Variants in RARB observed in about 807,000 individuals in gnomAD.
RARB encodes retinoic acid receptor beta.
A neutral mutation model predicts 51.9 loss-of-function variants in RARB; 17 were observed. That is an observed-to-expected ratio of 0.33 (90% CI 0.22 to 0.49). The LOEUF (loss-of-function observed/expected upper bound fraction) is 0.49. Among genes scored for constraint, RARB ranks in the 20% least tolerant of loss-of-function variants. RARB has a pLI of 0.99. For missense variants in RARB, 369 were observed against 550.8 expected (o/e 0.67, Z 3.30); for synonymous variants, 215 against 195.4 (o/e 1.10, Z -0.84).
intron 3 of RARB, among the ~76,000 whole-genome samples, chr3:25,532,257 T>C (rs531927387): frequency 6.7e-4 from 102 of 152,306 alleles, no homozygotes; most frequent in Middle Eastern, 3.4e-3. Context: ...AAACCCCTTA[T>C]TATGGCTTCT....
chr3:25,536,372 A>G (rs113549974), intron 3 of RARB, among the ~76,000 whole-genome samples: 3 of 151,628 alleles, frequency 2.0e-5, no homozygotes, highest in African/African-American at 7.3e-5. Context: ...TAAAGTGTGC[A>G]TGCCTCAGAA....
chr3:25,381,004 A>G (rs1218757502), intron 5 of RARB, among the ~76,000 whole-genome samples: 3 of 151,600 alleles, frequency 2.0e-5, no homozygotes, highest in Non-Finnish European at 4.4e-5. Flanking sequence ...TTGCTTTATT[A>G]TTTTCTCTTT....
intron 5 of RARB, among the ~76,000 whole-genome samples, chr3:25,260,934 A>G (rs759942106): frequency 2.0e-5 from 3 of 152,132 alleles, no homozygotes; most frequent in African/African-American, 4.8e-5. Flanking sequence ...AGTTAGGAAA[A>G]TAGCCTCTGG....
At chr3:25,533,908 C>A (rs552352660) in intron 3 of RARB, among the ~76,000 whole-genome samples, 2 of 152,320 alleles carry the variant, frequency 1.3e-5, no homozygotes, top group South Asian at 4.1e-4. Flanking sequence ...TCCTGGTTTT[C>A]TCACTTGTGA....
intron 5 of RARB, among the ~76,000 whole-genome samples, chr3:25,373,395 G>T (rs1471550230): frequency 2.0e-5 from 3 of 152,122 alleles, no homozygotes; most frequent in Non-Finnish European, 4.4e-5. Flanking sequence ...AGTGAGTGAG[G>T]AGGGTCCAGA....
In RARB at chr3:25,148,857, C is replaced by A. The variant is rs143156447; in HGVS notation, c.-280+16649C>A. On this transcript the variant is annotated intron_variant, in intron 4 of 11. Coordinates refer to the RARB transcript ENST00000383772. ...GCTTGGATGTCTACCCATGCACAGC[C>A]AGCCCCTGAAAAAGGTTGTGCATGG... Among the ~76,000 whole-genome samples the A allele has an allele frequency of 3.2e-3, 495 of 152,310 alleles. 4 individuals carry two copies. The highest frequency in any genetic ancestry group is 0.011 in the African/African-American group (464 of 41,554).
In RARB at chr3:25,308,473, G is replaced by C. The variant is rs1403712288; in HGVS notation, c.178+133898G>C. 2.2e-5 allele frequency among the ~76,000 whole-genome samples: 3 copies of C among 134,780 alleles called. No homozygotes were observed. In the East Asian group the frequency reaches 6.6e-4, roughly 29 times the overall value. The allele number at this position is 134,780 out of a possible 152,430, so 88.4% of individuals were successfully genotyped here. On this transcript the variant is annotated intron_variant, in intron 5 of 11. Coordinates refer to the RARB transcript ENST00000383772. The stretch of plus-strand genomic sequence containing the variant: ...CTTTTTTTTTTTTTTTTTTGAGACA[G>C]AGTCTTGTTCTCTTGCCCAGGCTGG...
intron 3 of RARB, among the ~76,000 whole-genome samples, chr3:25,526,510 T>TAAA (rs1209033558): frequency 6.6e-6 from 1 of 152,172 alleles, no homozygotes; most frequent in Non-Finnish European, 1.5e-5. Context: ...AGCATAATGA[T>TAAA]GGCTTGGACT....
intron 3 of RARB, among the ~76,000 whole-genome samples, chr3:25,534,166 G>A (rs1699040305): frequency 6.6e-6 from 1 of 152,128 alleles, no homozygotes; most frequent in South Asian, 2.1e-4. Flanking sequence ...TATAGACTTT[G>A]GAATCAGTCC....
At chr3:24,833,786 G>A (rs1702310195) in intron 1 of RARB, among the ~76,000 whole-genome samples, 1 of 152,192 alleles carries the variant, frequency 6.6e-6, no homozygotes, top group South Asian at 2.1e-4. Context: ...ATACCCACAG[G>A]TAGACCTGCC....
chr3:25,220,149 G>C (rs538903830), intron 5 of RARB, among the ~76,000 whole-genome samples: 1 of 152,114 alleles, frequency 6.6e-6, no homozygotes, highest in African/African-American at 2.4e-5. Context: ...TGATTGAACT[G>C]CCTTTGGACT....
intron 3 of RARB, among the ~76,000 whole-genome samples, chr3:25,504,216 T>C (rs910456514): frequency 3.9e-5 from 6 of 152,234 alleles, no homozygotes; most frequent in African/African-American, 1.4e-4. Flanking sequence ...TTGTTTCTCT[T>C]TGTCTCTCAC....
chr3:24,963,964 C>T (rs2125413238), intron 2 of RARB, among the ~76,000 whole-genome samples: 1 of 152,216 alleles, frequency 6.6e-6, no homozygotes. Context: ...ATAATCTTGA[C>T]CAGCAGAGGG....
chr3:25,528,607 A>G (rs1194422917), intron 3 of RARB, among the ~76,000 whole-genome samples: 2 of 152,044 alleles, frequency 1.3e-5, no homozygotes, highest in East Asian at 1.9e-4. Context: ...ATAGGATCCA[A>G]TCAGGTGGGA....
intron 2 of RARB, among the ~76,000 whole-genome samples, chr3:24,866,251 T>A (rs1031044876): frequency 6.6e-6 from 1 of 151,942 alleles, no homozygotes; most frequent in African/African-American, 2.4e-5. Flanking sequence ...AACTGTCTCA[T>A]CCCCCCACGC....
At position 24,905,042 on chromosome 3, in the gene RARB, G is replaced by A. The variant is rs138066423; in HGVS notation, c.-380+46290G>A. On this transcript the variant is annotated intron_variant, in intron 2 of 11. Transcript: ENST00000383772. ...AGGAAAAACACGTCATGTAGATGAC[G>A]GGTTGATGGGTGCAGAAAACCACCA... Among the ~76,000 whole-genome samples the A allele has an allele frequency of 8.0e-3, 1,216 of 152,290 alleles. 6 individuals are homozygous for A. Among genetic ancestry groups the A allele is most frequent in the Non-Finnish European group, 0.012 (827 of 68,028 alleles).
intron 2 of RARB, among the ~76,000 whole-genome samples, chr3:24,942,275 G>A (rs1386480033): frequency 6.6e-6 from 1 of 152,178 alleles, no homozygotes; most frequent in Admixed American, 6.5e-5. Context: ...TAGCTCTGTA[G>A]CTGTGCTCAT....
At chr3:25,462,778 G>T (rs1695246647) in intron 2 of RARB, among the ~76,000 whole-genome samples, 1 of 152,194 alleles carries the variant, frequency 6.6e-6, no homozygotes, top group Admixed American at 6.5e-5. Flanking sequence ...CTGACTGTGG[G>T]CTGGGGAGAC....
intron 2 of RARB, among the ~76,000 whole-genome samples, chr3:25,484,765 T>G (rs1197252823): frequency 1.3e-5 from 2 of 152,286 alleles, no homozygotes. Flanking sequence ...TATTTGGCCC[T>G]TTATAGAAAT....
Sources: gnomAD v4.1 joint callset for allele counts (sites outside exome capture counted in the v4.1 genomes callset) on GRCh38, gnomAD v4.1.1 for gene constraint, MANE v1.5 for transcripts, NCBI Gene and HGNC (gene_info 2026-07-23, HGNC 2026-07-21) for gene names.